The following CEPT1 variants were observed in gnomAD, a reference collection of about 807,000 sequenced individuals.
CEPT1 encodes choline/ethanolaminephosphotransferase 1.
Under a neutral mutation model 42.6 loss-of-function variants are expected in CEPT1, and 7 were observed. The ratio of observed to expected loss-of-function variants is 0.16; its 90% CI spans 0.09 to 0.31. The LOEUF is 0.31. Ranked by LOEUF, CEPT1 falls within the 10% of genes least tolerant of loss-of-function variation. The probability of loss-of-function intolerance (pLI) is 1.00; values close to 1 mark genes in which losing one functional copy is unlikely to be tolerated. For missense variants in CEPT1, 306 were observed against 502.1 expected (o/e 0.61, Z 3.73); for synonymous variants, 171 against 171.9 (o/e 0.99, Z 0.04).
intron 5 of CEPT1, among the ~76,000 whole-genome samples, chr1:111,176,795 G>C (rs1656697812): frequency 6.6e-6 from 1 of 152,120 alleles, no homozygotes; most frequent in Non-Finnish European, 1.5e-5. Context: ...TGTGTGTATT[G>C]AACCATCAGA....
At chr1:111,174,722 C>T (rs918666525) in intron 4 of CEPT1, among the ~76,000 whole-genome samples, 157 bp from the exon 5 acceptor site, 1 of 151,902 alleles carries the variant, frequency 6.6e-6, no homozygotes, top group Admixed American at 6.6e-5. Flanking sequence ...TGATTTTGCT[C>T]ATAACAAATT....
chr1:111,167,045 G>A (rs1459346438), intron 4 of CEPT1: 1 of 810,106 alleles, frequency 1.2e-6, no homozygotes, highest in African/African-American at 1.9e-5. Context: ...TGTGTTAGTA[G>A]GGCTCTTTAG....
chr1:111,164,356 T>C (rs1346161392), intron 4 of CEPT1, among the ~76,000 whole-genome samples: 1 of 152,148 alleles, frequency 6.6e-6, no homozygotes. Flanking sequence ...ACAGTGCCGC[T>C]GGATTGAGCA....
intron 4 of CEPT1, among the ~76,000 whole-genome samples, chr1:111,163,823 C>G (rs1454567699): frequency 6.6e-6 from 1 of 152,106 alleles, no homozygotes; most frequent in Non-Finnish European, 1.5e-5. Flanking sequence ...ACAAGGTCAG[C>G]TCTGAAATGT....
chr1:111,146,474 T>C (rs1214389770), intron 1 of CEPT1, among the ~76,000 whole-genome samples: 1 of 152,176 alleles, frequency 6.6e-6, no homozygotes, highest in African/African-American at 2.4e-5. Context: ...TCCTCACCTC[T>C]CATATCTAAT....
chr1:111,159,436 G>C lies in CEPT1; in HGVS notation c.396G>C (p.Leu132Phe). The stretch of plus-strand genomic sequence containing the variant: ...GTGGCCTTTTCATTTACCAGTCTTT[G>C]GATGCTATTGATGGGAAACAGGCAA... The part of the protein sequence containing the change: ...CACGLFIYQS[L>F]DAIDGKQARR... Residue 132 changes from leucine to phenylalanine, a missense_variant, in exon 3 of 9, where the codon TTG becomes TTC. This residue lies in a region of CEPT1 where 253 missense variants were observed against 447.3 expected (regional missense o/e 0.57). Coordinates refer to ENST00000357172, the MANE Select transcript of CEPT1 (RefSeq NM_006090.5). 6.2e-7 allele frequency: 1 copy of C among 1,613,050 alleles called. No individual in the cohort carries two copies.
intron 1 of CEPT1, among the ~76,000 whole-genome samples, chr1:111,144,203 A>G (rs1654823713): frequency 6.6e-6 from 1 of 152,132 alleles, no homozygotes; most frequent in Admixed American, 6.5e-5. Context: ...TCTTTTCTGT[A>G]ATGGTTTTCA....
intron 2 of CEPT1, among the ~76,000 whole-genome samples, chr1:111,156,364 A>G (rs79937209): frequency 0.04 from 6,030 of 152,308 alleles, 161 homozygotes; most frequent in Non-Finnish European, 0.058. Flanking sequence ...GCTGATGAGA[A>G]GAATGTGTAT....
Position 111,148,020 on chromosome 1 carries a change from A to G in CEPT1, c.306A>G (p.Leu102=), listed in dbSNP as rs894644301. 16 of 1,614,042 alleles carry G rather than the reference A, an allele frequency of 9.9e-6. No homozygotes were observed. Among genetic ancestry groups the G allele is most frequent in the African/African-American group, 1.3e-5 (1 of 74,932 alleles). ...CAATAAACATCTGTACAACTATTTT[A>G]TTAGTCTTCTACTGCCCTACAGCTA... ...GLSINICTTI[L]LVFYCPTATE... The change falls in exon 2 of 9, where the codon TTA becomes TTG. Residue 102 remains leucine (L), a synonymous_variant. Coordinates refer to ENST00000357172, the MANE Select transcript of CEPT1 (RefSeq NM_006090.5).
intron 4 of CEPT1, among the ~76,000 whole-genome samples, chr1:111,163,109 A>G (rs1557932230): frequency 1.3e-5 from 2 of 151,996 alleles, no homozygotes. Flanking sequence ...AACAGGAGGA[A>G]ACTCTGCCAC....
At chr1:111,151,613 A>G (rs755144888) in intron 2 of CEPT1, among the ~76,000 whole-genome samples, 2 of 152,210 alleles carry the variant, frequency 1.3e-5, no homozygotes, top group Non-Finnish European at 2.9e-5. Context: ...TCAGGTTAAG[A>G]TAAAGATTGT....
rs527859192 is a variant in CEPT1, at chr1:111,149,377, C to T, written c.339+1324C>T. ...TCCAGGGTTTAAGCGATTCTCCTGC[C>T]TCAGCCTCCCAAGTAACTGGGATTA... On this transcript the variant is annotated intron_variant, in intron 2 of 8. Coordinates refer to ENST00000357172, the MANE Select transcript of CEPT1 (RefSeq NM_006090.5). Among the ~76,000 whole-genome samples the T allele has an allele frequency of 4.6e-5, 7 of 151,292 alleles. 1 individual carries two copies. The highest frequency in any genetic ancestry group is 1.7e-4 in the African/African-American group (7 of 41,014).
At position 111,160,970 on chromosome 1, in the gene CEPT1, A is replaced by AG. The variant is rs397808502; in HGVS notation, c.488-184dup. ...TGATTTGGTAAAAAAAAAAAAAAAA[A>AG]GAGAGATTGAAATTATGGGGTAAGA... On this transcript the variant is annotated intron_variant, in intron 3 of 8. Transcript: ENST00000357172. 4 of 596,602 alleles carry AG rather than the reference A, an allele frequency of 6.7e-6. No individual in the cohort carries two copies. The African/African-American group carries it at 7.7e-5, about 11-fold the overall frequency. 37.0% of individuals were successfully genotyped at this position (596,602 alleles called of 1,614,324 possible). A position where few individuals can be genotyped will look rare whatever the true frequency, so the allele number is the denominator to read the frequency against.
At chr1:111,165,205 T>C (rs940257406) in intron 4 of CEPT1, among the ~76,000 whole-genome samples, 9 of 151,692 alleles carry the variant, frequency 5.9e-5, no homozygotes, top group South Asian at 4.2e-4. Context: ...CCCGCCACCA[T>C]GCCCGGCTAA....
At chr1:111,164,040 C>T (rs1011153026) in intron 4 of CEPT1, among the ~76,000 whole-genome samples, 5 of 152,028 alleles carry the variant, frequency 3.3e-5, no homozygotes, top group African/African-American at 9.7e-5. Context: ...CTTTTAATAA[C>T]TTCATAAAAT....
chr1:111,161,866 T>C (rs1345805625), intron 4 of CEPT1, among the ~76,000 whole-genome samples: 2 of 152,226 alleles, frequency 1.3e-5, no homozygotes, highest in Non-Finnish European at 2.9e-5. Context: ...ACCAACCATA[T>C]GGTGTGGGAA....
chr1:111,163,732 A>G (rs1314013687), intron 4 of CEPT1, among the ~76,000 whole-genome samples: 1 of 152,232 alleles, frequency 6.6e-6, no homozygotes, highest in Admixed American at 6.5e-5. Context: ...TATAGAATAC[A>G]TATAGATATC....
At chr1:111,165,140 C>T (rs1232084662) in intron 4 of CEPT1, among the ~76,000 whole-genome samples, 2 of 148,422 alleles carry the variant, frequency 1.3e-5, no homozygotes, top group Non-Finnish European at 3.0e-5. Flanking sequence ...ACCTCCGCCT[C>T]CTGGGTTCAT....
intron 2 of CEPT1, among the ~76,000 whole-genome samples, chr1:111,155,044 T>A (rs1196184718): frequency 6.6e-6 from 1 of 152,234 alleles, no homozygotes; most frequent in Non-Finnish European, 1.5e-5. Flanking sequence ...TTTGGAATAG[T>A]TTCAGAAGAA....
Sources: allele counts gnomAD v4.1 joint callset (sites outside exome capture counted in the v4.1 genomes callset), GRCh38; gene constraint gnomAD v4.1.1; regional missense constraint gnomAD v4.1.1; transcripts MANE v1.5; gene names NCBI Gene and HGNC (gene_info 2026-07-23, HGNC 2026-07-21).